The following NRXN3 variants were observed in gnomAD, a reference collection of about 807,000 sequenced individuals.
The protein encoded by NRXN3 is neurexin 3.
NRXN3 carries 32 observed loss-of-function variants against 137.6 expected under a neutral mutation model. That is an observed-to-expected ratio of 0.23 (90% confidence interval 0.18 to 0.31). NRXN3 has a LOEUF of 0.31. Among genes scored for constraint, NRXN3 ranks in the 10% least tolerant of loss-of-function variants. NRXN3 has a pLI of 1.00. For missense variants in NRXN3, 1,574 were observed against 2,062.5 expected (o/e 0.76, Z 4.59); for synonymous variants, 798 against 784.5 (o/e 1.02, Z -0.29).
intron 19 of NRXN3, among the ~76,000 whole-genome samples, chr14:79,731,837 T>A (rs535206697): frequency 8.4e-4 from 126 of 149,514 alleles, no homozygotes; most frequent in Admixed American, 1.3e-3. Context: ...TTTTTTTTAA[T>A]TTTTTTTTTG....
intron 19 of NRXN3, among the ~76,000 whole-genome samples, chr14:79,763,436 T>C (rs987879799): frequency 1.3e-5 from 2 of 151,192 alleles, no homozygotes; most frequent in African/African-American, 4.9e-5. Flanking sequence ...GTAATGGGAT[T>C]GCTGGATCAA....
intron 16 of NRXN3, among the ~76,000 whole-genome samples, chr14:79,499,294 GTTTGTTCTAGCT>G (rs1223465621): frequency 6.6e-6 from 1 of 152,094 alleles, no homozygotes; most frequent in Non-Finnish European, 1.5e-5. Context: ...AACATGCCTG[GTTTGTTCTAGCT>G]TTGAGCTTTT....
chr14:79,734,962 C>G (rs571607309), intron 19 of NRXN3, among the ~76,000 whole-genome samples: 81 of 152,176 alleles, frequency 5.3e-4, no homozygotes, highest in African/African-American at 1.9e-3. Context: ...CTACTAGGTA[C>G]CAAAGCAATA....
chr14:79,830,713 T>G (rs2099320648), intron 20 of NRXN3, among the ~76,000 whole-genome samples: 1 of 152,182 alleles, frequency 6.6e-6, no homozygotes, highest in Non-Finnish European at 1.5e-5. Flanking sequence ...AGAGTTTGAG[T>G]AACCATAGAC....
intron 15 of NRXN3, among the ~76,000 whole-genome samples, chr14:79,178,251 A>C (rs574771838): frequency 6.6e-6 from 1 of 152,202 alleles, no homozygotes; most frequent in Non-Finnish European, 1.5e-5. Flanking sequence ...CAATACTTAC[A>C]TGCAATTTTT....
chr14:78,436,370 ACT>A (rs898136968), intron 4 of NRXN3, among the ~76,000 whole-genome samples: 1 of 152,166 alleles, frequency 6.6e-6, no homozygotes, highest in African/African-American at 2.4e-5. Context: ...AATTATATTA[ACT>A]CGTATATTCC....
chr14:78,597,149 C>CT (rs1039307503), intron 4 of NRXN3, among the ~76,000 whole-genome samples: 2 of 152,162 alleles, frequency 1.3e-5, no homozygotes, highest in Admixed American at 1.3e-4. Context: ...CTGGAGAAGA[C>CT]TGTGTCGGGG....
intron 19 of NRXN3, among the ~76,000 whole-genome samples, chr14:79,742,761 T>C (rs922157400): frequency 2.6e-4 from 40 of 152,326 alleles, no homozygotes; most frequent in African/African-American, 9.6e-4. Context: ...TCTTCTGCAC[T>C]GAAATTAGAC....
intron 12 of NRXN3, 124 bp downstream of exon 12, chr14:78,966,530 C>A: frequency 9.9e-7 from 1 of 1,012,076 alleles, no homozygotes; most frequent in Non-Finnish European, 1.5e-6. Flanking sequence ...CACATTCTCG[C>A]ATCTTCCTTG....
intron 10 of NRXN3, among the ~76,000 whole-genome samples, chr14:78,901,971 G>A (rs2099197844): frequency 6.6e-6 from 1 of 152,046 alleles, no homozygotes; most frequent in South Asian, 2.1e-4. Flanking sequence ...CCTATTTGAA[G>A]GTTGTCGGGT....
chr14:78,449,982 C>T (rs2094512973), intron 4 of NRXN3, among the ~76,000 whole-genome samples: 1 of 152,194 alleles, frequency 6.6e-6, no homozygotes, highest in Non-Finnish European at 1.5e-5. Context: ...TTTCCTATGT[C>T]TTCAAACTCT....
At chr14:79,026,740 A>G (rs916195991) in intron 15 of NRXN3, among the ~76,000 whole-genome samples, 1 of 151,936 alleles carries the variant, frequency 6.6e-6, no homozygotes, top group Non-Finnish European at 1.5e-5. Flanking sequence ...TCAGGTGTTT[A>G]ATGAGGATCA....
intron 10 of NRXN3, among the ~76,000 whole-genome samples, chr14:78,943,579 TG>T (rs1340439259): frequency 7.8e-6 from 1 of 128,040 alleles, no homozygotes; most frequent in African/African-American, 2.9e-5. Flanking sequence ...AGGAAAAGTC[TG>T]AAGGTTGAGA....
At chr14:79,031,453 T>G (rs1446649946) in intron 15 of NRXN3, among the ~76,000 whole-genome samples, 1 of 152,132 alleles carries the variant, frequency 6.6e-6, no homozygotes, top group Non-Finnish European at 1.5e-5. Context: ...TGTTTGGGAA[T>G]AAGAAACTAT....
intron 17 of NRXN3, among the ~76,000 whole-genome samples, chr14:79,668,909 A>G (rs1334914336): frequency 6.6e-6 from 1 of 152,066 alleles, no homozygotes; most frequent in African/African-American, 2.4e-5. Context: ...TTTAGACAGT[A>G]TACATCGGTA....
chr14:78,916,420 C>G (rs2099255575), intron 10 of NRXN3, among the ~76,000 whole-genome samples: 1 of 152,134 alleles, frequency 6.6e-6, no homozygotes, highest in African/African-American at 2.4e-5. Flanking sequence ...TGGTAGGTCA[C>G]AGAAGCTTGT....
At chr14:78,424,426 A>G (rs768613737) in intron 4 of NRXN3, among the ~76,000 whole-genome samples, 1 of 152,204 alleles carries the variant, frequency 6.6e-6, no homozygotes, top group Non-Finnish European at 1.5e-5. Context: ...GAAAATCAGG[A>G]AGTATCTGGA....
At chr14:78,862,924 G>A (rs1034498972) in intron 10 of NRXN3, among the ~76,000 whole-genome samples, 1 of 152,128 alleles carries the variant, frequency 6.6e-6, no homozygotes, top group African/African-American at 2.4e-5. Context: ...ACATTTCCTT[G>A]TAATTCTGGA....
chr14:78,902,453 C>A (rs2099199725), intron 10 of NRXN3, among the ~76,000 whole-genome samples: 1 of 151,764 alleles, frequency 6.6e-6, no homozygotes, highest in Non-Finnish European at 1.5e-5. Flanking sequence ...AAGGTATTTT[C>A]AAATGTCATT....
Sources: allele counts gnomAD v4.1 joint callset (sites outside exome capture counted in the v4.1 genomes callset), GRCh38; gene constraint gnomAD v4.1.1; transcripts MANE v1.5; gene names NCBI Gene and HGNC (gene_info 2026-07-23, HGNC 2026-07-21).